The following IGF2R variants were observed in gnomAD, a reference collection of about 807,000 sequenced individuals.
IGF2R encodes cation-independent mannose-6-phosphate receptor.
In IGF2R, 91 loss-of-function variants were observed where a neutral mutation model predicts 270.6. The observed-to-expected ratio is 0.34, with a 90% confidence interval of 0.28 to 0.40. The LOEUF is 0.40. IGF2R is among the 10% of genes least tolerant of loss of function. The pLI is 1.00. For missense variants in IGF2R, 2,805 were observed against 3,188.3 expected, an observed-to-expected ratio of 0.88 and a Z score of 2.90; for synonymous variants, 1,316 against 1,258.9, an observed-to-expected ratio of 1.05 and a Z score of -0.96.
chr6:160,099,170 A>G (rs1429393494), intron 45 of IGF2R, among the ~76,000 whole-genome samples: 1 of 152,250 alleles, frequency 6.6e-6, no homozygotes, highest in African/African-American at 2.4e-5. Flanking sequence ...ATACAAAGAA[A>G]AGACTGTAAA....
intron 31 of IGF2R, 25 bp from the exon 32 acceptor site, chr6:160,071,885 A>G (rs1778746443): frequency 1.2e-6 from 2 of 1,613,970 alleles, no homozygotes; most frequent in Non-Finnish European, 1.7e-6. Flanking sequence ...TGATCCCTTC[A>G]GGACCTGTCT....
At position 159,969,402 on chromosome 6, in the gene IGF2R, G is replaced by T. The variant is rs1783572863; in HGVS notation, c.149+7G>T. ...CGTTCCCCGAGCTGTGCAGGTGGGT[G>T]GCCCGCCCGGACGCAGGCTCCGCTC... is the stretch of plus-strand genomic sequence containing the variant. On this transcript the variant is annotated splice_region_variant and intron_variant, in intron 1 of 47. Coordinates refer to ENST00000356956, the MANE Select transcript of IGF2R (RefSeq NM_000876.4). 1 of 1,223,228 alleles carries T rather than the reference G, an allele frequency of 8.2e-7. No homozygotes were observed. 75.8% of individuals were successfully genotyped at this position (1,223,228 alleles called of 1,614,324 possible).
Position 160,043,235 on chromosome 6 carries a change from T to C in IGF2R, c.1568T>C (p.Leu523Pro). 6.2e-7 allele frequency: 1 copy of C among 1,614,240 alleles called. No homozygotes were observed. The highest frequency in any genetic ancestry group is 8.5e-7 in the Non-Finnish European group (1 of 1,180,042). ...HFFINICHRV[L>P]QEGKARGCPE... ...TTCATTAATATTTGTCACAGAGTGC[T>C]GCAGGAAGGCAAGGCACGAGGGTGT... Residue 523 changes from leucine to proline, a missense_variant, in exon 12 of 48, where the codon CTG becomes CCG. Transcript: ENST00000356956.
chr6:160,058,073 G>T lies in IGF2R; in HGVS notation c.2847G>T (p.Pro949=). ...PNSGFVFNLN[P]LNSSQGYNVS... is the part of the protein sequence containing the mutation. ...GTGGATTTGTGTTTAATCTTAATCCGCTAAACAGTTCGCAAGGATATAACG... is the reference window on the plus strand; with the variant it reads ...GTGGATTTGTGTTTAATCTTAATCCTCTAAACAGTTCGCAAGGATATAACG... The change falls in exon 21 of 48, where the codon CCG becomes CCT. Residue 949 remains proline, a synonymous_variant. Transcript: ENST00000356956. 6.2e-7 allele frequency: 1 copy of T among 1,613,694 alleles called. No individual in the cohort carries two copies. The highest frequency in any genetic ancestry group is 8.5e-7 in the Non-Finnish European group (1 of 1,179,618).
At chr6:160,086,870 A>G (rs2114727797) in intron 41 of IGF2R, among the ~76,000 whole-genome samples, 1 of 152,208 alleles carries the variant, frequency 6.6e-6, no homozygotes, top group Non-Finnish European at 1.5e-5. Context: ...CCTGCCTGGA[A>G]GGATCTGTGT....
Position 160,062,868 on chromosome 6 carries a change from A to T in IGF2R, c.3670+249A>T, listed in dbSNP as rs8191851. Among the ~76,000 whole-genome samples, 541 of 151,502 alleles carry T rather than the reference A, an allele frequency of 3.6e-3. 5 individuals are homozygous for T. The highest frequency in any genetic ancestry group is 0.012 in the African/African-American group (515 of 41,292). On this transcript the variant is annotated intron_variant, in intron 26 of 47. Transcript: ENST00000356956. ...TGGCGTCTGATGCTTGAAGACACTAATGTGGGGTTTGGTTTTGTGTTGTTT... is the reference window on the plus strand; with the variant it reads ...TGGCGTCTGATGCTTGAAGACACTATTGTGGGGTTTGGTTTTGTGTTGTTT...
Position 159,969,219 on chromosome 6 carries a change from G to A in IGF2R, c.-28G>A. The A allele has an allele frequency of 1.0e-6, 1 of 985,128 alleles. No individual in the cohort carries two copies. Among genetic ancestry groups the A allele is most frequent in the Non-Finnish European group, 1.2e-6 (1 of 830,806 alleles). 61.0% of individuals were successfully genotyped at this position (985,128 alleles called of 1,614,324 possible). On this transcript the variant is annotated 5_prime_UTR_variant, in exon 1 of 48. Transcript: ENST00000356956. ...AGCAGTCGCGCGCCGTTAGCCTCGCGCCCGCCGCGCAGTCCGGGCCCGGCG... is the reference window on the plus strand; with the variant it reads ...AGCAGTCGCGCGCCGTTAGCCTCGCACCCGCCGCGCAGTCCGGGCCCGGCG...
At chr6:160,058,831 G>T (rs1778367697) in intron 21 of IGF2R, 75 bp from the exon 22 acceptor site, 11 of 1,285,822 alleles carry the variant, frequency 8.6e-6, no homozygotes, top group Non-Finnish European at 1.2e-5. Flanking sequence ...GGGATTTGGA[G>T]TTGCTAGGGT....
At chr6:160,023,353 A>G (rs1777479073) in intron 4 of IGF2R, among the ~76,000 whole-genome samples, 1 of 152,082 alleles carries the variant, frequency 6.6e-6, no homozygotes, top group East Asian at 1.9e-4. Context: ...TGATGGTGCC[A>G]TTTGTTGAGA....
chr6:160,093,145 ATGTGT>A (rs1779267569), intron 44 of IGF2R: 1 of 157,254 alleles, frequency 6.4e-6, no homozygotes, highest in Non-Finnish European at 1.4e-5. Context: ...GTGGAATCAG[ATGTGT>A]TGTGTTCCCA....
rs1474311779 is a variant in IGF2R, at chr6:160,073,406, C to G, written c.4884C>G (p.Ser1628=). ...ARPTNRPMLI[S]LDKQTCTLFF... Reference sequence around the variant, plus strand: ...CAACCAATAGGCCCATGCTCATCTCCCTGGACAAGCAGACATGCACTCTCT... The same window carrying G: ...CAACCAATAGGCCCATGCTCATCTCGCTGGACAAGCAGACATGCACTCTCT... The change falls in exon 34 of 48, where the codon TCC becomes TCG. Residue 1628 remains serine (S), a synonymous_variant. Coordinates refer to ENST00000356956, the MANE Select transcript of IGF2R (RefSeq NM_000876.4). 2 of 1,614,254 alleles carry G rather than the reference C, an allele frequency of 1.2e-6. No homozygotes were observed. Among genetic ancestry groups the G allele is most frequent in the Non-Finnish European group, 1.7e-6 (2 of 1,180,038 alleles).
intron 39 of IGF2R, among the ~76,000 whole-genome samples, chr6:160,082,524 C>G (rs1257961167): frequency 2.0e-5 from 3 of 152,176 alleles, no homozygotes; most frequent in Non-Finnish European, 4.4e-5. Context: ...GTTGGTCAGG[C>G]TGGTCTCCAA....
rs369207819 is a variant in IGF2R, at chr6:160,043,213, A to G, written c.1546A>G (p.Ile516Val). The G allele has an allele frequency of 1.2e-6, 2 of 1,614,142 alleles. No individual in the cohort carries two copies. The highest frequency in any genetic ancestry group is 1.1e-5 in the South Asian group (1 of 91,082). The change falls in exon 12 of 48, where the codon ATT becomes GTT. Residue 516 changes from isoleucine to valine, a missense_variant. Around this residue, in one of 2 missense-constraint regions of IGF2R, gnomAD observed 954 missense variants for 981.1 expected, o/e 0.97. Coordinates refer to ENST00000356956, the MANE Select transcript of IGF2R (RefSeq NM_000876.4). Reference protein sequence around the residue: ...QTETEKKHFFINICHRVLQEG... With the variant: ...QTETEKKHFFVNICHRVLQEG... ...GGAAACAGAGAAGAAGCATTTTTTC[A>G]TTAATATTTGTCACAGAGTGCTGCA... is the stretch of plus-strand genomic sequence containing the variant.
chr6:160,047,969 C>G (rs1356076774), intron 17 of IGF2R, 62 bp downstream of exon 17: 1 of 1,087,562 alleles, frequency 9.2e-7, no homozygotes. Context: ...GCAAGTGTTG[C>G]TGGTGAGCGT....
intron 41 of IGF2R, among the ~76,000 whole-genome samples, chr6:160,086,490 C>A (rs530197029): frequency 6.6e-6 from 1 of 152,172 alleles, no homozygotes; most frequent in South Asian, 2.1e-4. Context: ...TATGTTTAAT[C>A]CCCATCCACT....
At chr6:160,045,528 C>T (rs1266528038) in intron 13 of IGF2R, among the ~76,000 whole-genome samples, 3 of 152,098 alleles carry the variant, frequency 2.0e-5, no homozygotes, top group African/African-American at 4.8e-5. Context: ...CTCTCCATTC[C>T]CTCTCTTCTA....
At chr6:160,033,129 G>A (rs201535254) in intron 9 of IGF2R, 22 bp downstream of exon 9, 172 of 1,591,082 alleles carry the variant, frequency 1.1e-4, no homozygotes, top group Admixed American at 1.7e-4. Flanking sequence ...ACCTCTGTGC[G>A]ATTTTCCTTT....
At chr6:160,065,808 G>GTATA (rs1469370137) in intron 29 of IGF2R, among the ~76,000 whole-genome samples, 2 of 55,140 alleles carry the variant, frequency 3.6e-5, no homozygotes, top group African/African-American at 8.9e-5. Context: ...GTGTGTGTGT[G>GTATA]TGTGTGTATA....
intron 44 of IGF2R, among the ~76,000 whole-genome samples, chr6:160,092,857 A>G (rs1183271954): frequency 1.3e-5 from 2 of 152,220 alleles, no homozygotes; most frequent in African/African-American, 4.8e-5. Context: ...AGCACCAGCC[A>G]CAAAGATTTT....
Sources: allele counts gnomAD v4.1 joint callset (sites outside exome capture counted in the v4.1 genomes callset), GRCh38; gene constraint gnomAD v4.1.1; regional missense constraint gnomAD v4.1.1; transcripts MANE v1.5; gene names NCBI Gene and HGNC (gene_info 2026-07-23, HGNC 2026-07-21).